MTIF2: variants seen among roughly 807,000 people sequenced by gnomAD.
MTIF2 encodes mitochondrial translational initiation factor 2.
A neutral mutation model predicts 83.5 loss-of-function variants in MTIF2; 71 were observed. That is an observed-to-expected ratio of 0.85 (90% CI 0.70 to 1.04). The LOEUF (loss-of-function observed/expected upper bound fraction) is 1.04, where lower values mean the gene tolerates loss of function less well. Among genes scored for constraint, MTIF2 ranks in the 50% least tolerant of loss-of-function variants. The probability of loss-of-function intolerance (pLI) is 0.00; values close to 1 mark genes in which losing one functional copy is unlikely to be tolerated. For missense variants in MTIF2, 957 were observed against 846.5 expected, an observed-to-expected ratio of 1.13 and a Z score of -1.62; for synonymous variants, 319 against 287.1, an observed-to-expected ratio of 1.11 and a Z score of -1.12.
At chr2:55,264,990 C>T (rs1255643922) in intron 3 of MTIF2, among the ~76,000 whole-genome samples, 1 of 152,086 alleles carries the variant, frequency 6.6e-6, no homozygotes, top group African/African-American at 2.4e-5. Context: ...TGCCTGTAAT[C>T]CCAGCACTTT....
chr2:55,256,580 C>T (rs1301095405), intron 5 of MTIF2, among the ~76,000 whole-genome samples: 2 of 151,476 alleles, frequency 1.3e-5, no homozygotes, highest in African/African-American at 4.8e-5. Flanking sequence ...GTGGCGGCAC[C>T]TGTAGTCCCA....
At chr2:55,244,284 G>T in intron 10 of MTIF2, 51 bp from the exon 11 acceptor site, 1 of 1,307,538 alleles carries the variant, frequency 7.6e-7, no homozygotes, top group South Asian at 1.3e-5. Flanking sequence ...ACTTTAAGTA[G>T]AGCAAAGATA....
In MTIF2 at chr2:55,252,455, CATT is replaced by C. The variant is rs1423338804; in HGVS notation, c.841+19_841+21del. ...GAACTTTGACTTTATGTAGTAGATC[CATT>C]AAGTCAGCCACACAGTACCCTGTGC... On this transcript the variant is annotated intron_variant, in intron 8 of 15. Transcript: ENST00000263629. 7 of 1,605,040 alleles carry C rather than the reference CATT, an allele frequency of 4.4e-6. No homozygotes were observed. The highest frequency in any genetic ancestry group is 1.7e-5 in the Admixed American group (1 of 58,956).
chr2:55,247,202 A>C (rs1011004800), intron 9 of MTIF2, among the ~76,000 whole-genome samples: 1 of 152,202 alleles, frequency 6.6e-6, no homozygotes, highest in Non-Finnish European at 1.5e-5. Flanking sequence ...CTGATAGGCA[A>C]GGTATTTTTC....
chr2:55,240,948 C>G (rs1448870330), intron 13 of MTIF2, among the ~76,000 whole-genome samples: 1 of 151,978 alleles, frequency 6.6e-6, no homozygotes, highest in Non-Finnish European at 1.5e-5. Flanking sequence ...AAAATAGTGA[C>G]TTAAAGGGGT....
chr2:55,248,386 G>A (rs1676853561), intron 9 of MTIF2, among the ~76,000 whole-genome samples: 1 of 152,110 alleles, frequency 6.6e-6, no homozygotes, highest in South Asian at 2.1e-4. Flanking sequence ...TAAAGATGAA[G>A]TGAGATTTAA....
intron 9 of MTIF2, among the ~76,000 whole-genome samples, chr2:55,246,888 A>G (rs1676739221): frequency 6.6e-6 from 1 of 152,102 alleles, no homozygotes; most frequent in Non-Finnish European, 1.5e-5. Flanking sequence ...ACGAGATTTC[A>G]CATCTATTAT....
At chr2:55,261,859 A>G (rs866044874) in intron 5 of MTIF2, among the ~76,000 whole-genome samples, 6 of 148,230 alleles carry the variant, frequency 4.0e-5, no homozygotes, top group Non-Finnish European at 7.4e-5. Context: ...GATTGTTTTG[A>G]GTCTAGGAGG....
At position 55,247,615 on chromosome 2, in the gene MTIF2, CTAAA is replaced by C. The variant is rs1357970354; in HGVS notation, c.982-1158_982-1155del. On this transcript the variant is annotated intron_variant, in intron 9 of 15. Transcript: ENST00000263629. ...AAACAAAACAAAACAAAAAAATTGA[CTAAA>C]TACTTTGCTTACCCACCCACTTATT... Among the ~76,000 whole-genome samples, 4 of 152,116 alleles carry C rather than the reference CTAAA, an allele frequency of 2.6e-5. No individual in the cohort carries two copies. The East Asian group carries it at 7.7e-4, about 29-fold the overall frequency.
chr2:55,258,058 C>G (rs1677679527), intron 5 of MTIF2, among the ~76,000 whole-genome samples: 1 of 152,212 alleles, frequency 6.6e-6, no homozygotes, highest in Non-Finnish European at 1.5e-5. Context: ...TCTGAAAGTG[C>G]TGGGATTACA....
In MTIF2 at chr2:55,260,359, C is replaced by T. The variant is rs536352604; in HGVS notation, c.331+1957G>A. Reference sequence around the variant, plus strand: ...ATGTTGCAGCAAGCCGAGATAGTGCCATTGCACTCTAGCCTGGTTAACAAG... The same window carrying T: ...ATGTTGCAGCAAGCCGAGATAGTGCTATTGCACTCTAGCCTGGTTAACAAG... On this transcript the variant is annotated intron_variant, in intron 5 of 15. Coordinates refer to ENST00000263629, the MANE Select transcript of MTIF2 (RefSeq NM_002453.3). 2.0e-5 allele frequency among the ~76,000 whole-genome samples: 3 copies of T among 148,400 alleles called. No individual in the cohort carries two copies. The South Asian group carries it at 6.4e-4, about 31-fold the overall frequency.
In MTIF2 at chr2:55,254,686, G is replaced by T; in HGVS notation, c.471C>A (p.Asp157Glu). ...MKLKWSKLKQDKVRKNKDAVR... is the reference protein window; with the variant it reads ...MKLKWSKLKQEKVRKNKDAVR... The stretch of plus-strand genomic sequence containing the variant: ...CAGCATCTTTATTTTTTCTGACTTT[G>T]TCCTGTTTTAATTTACTCCACTTTA... Residue 157 changes from aspartate to glutamate, a missense_variant, in exon 6 of 16, where the codon GAC (aspartate) becomes GAA (glutamate). By Grantham distance (45) the Asp-to-Glu change is conservative. Transcript: ENST00000263629. The T allele has an allele frequency of 6.2e-7, 1 of 1,604,366 alleles. No homozygotes were observed. The highest frequency in any genetic ancestry group is 8.5e-7 in the Non-Finnish European group (1 of 1,176,138).
chr2:55,254,110 T>G lies in MTIF2; in HGVS notation c.595A>C (p.Lys199Gln). ...GCTGCCACTTGAGTTTTTCGAAATTTGTCAAGTAATGTCGTTTTCCCGTGA... is the reference window on the plus strand; with the variant it reads ...GCTGCCACTTGAGTTTTTCGAAATTGGTCAAGTAATGTCGTTTTCCCGTGA... ...VDHGKTTLLD[K>Q]FRKTQVAAVE... Residue 199 changes from lysine (K) to glutamine (Q), a missense_variant, in exon 7 of 16, where the codon AAA (lysine) becomes CAA (glutamine). This residue lies in a region of MTIF2 where 733 missense variants were observed against 648.7 expected (regional missense o/e 1.13). Coordinates refer to ENST00000263629, the MANE Select transcript of MTIF2 (RefSeq NM_002453.3). The G allele has an allele frequency of 1.9e-6, 3 of 1,614,182 alleles. No homozygotes were observed. The highest frequency in any genetic ancestry group is 2.5e-6 in the Non-Finnish European group (3 of 1,180,012).
At chr2:55,244,951 G>A (rs575313221) in intron 10 of MTIF2, among the ~76,000 whole-genome samples, 1 of 152,230 alleles carries the variant, frequency 6.6e-6, no homozygotes, top group East Asian at 1.9e-4. Flanking sequence ...GGAGGCTGAG[G>A]CAGGAGAATC....
chr2:55,268,115 C>T (rs6545483), intron 2 of MTIF2, among the ~76,000 whole-genome samples: 29,535 of 151,630 alleles, frequency 0.19, 4,165 homozygotes, highest in African/African-American at 0.38. Context: ...TAGCCGGGTA[C>T]GGTGGCGGGC....
At chr2:55,262,994 C>G (rs7594081) in intron 4 of MTIF2, among the ~76,000 whole-genome samples, 6 of 152,040 alleles carry the variant, frequency 3.9e-5, no homozygotes, top group Non-Finnish European at 7.4e-5. Context: ...CCCAAAGAGC[C>G]GTGATTACAG....
At chr2:55,245,554 A>G (rs1676635571) in intron 10 of MTIF2, among the ~76,000 whole-genome samples, 1 of 152,140 alleles carries the variant, frequency 6.6e-6, no homozygotes. Context: ...AAGGAAAAGC[A>G]GAAAACAGAA....
At chr2:55,256,352 T>C (rs915932674) in intron 5 of MTIF2, among the ~76,000 whole-genome samples, 15 of 151,808 alleles carry the variant, frequency 9.9e-5, no homozygotes, top group Admixed American at 8.6e-4. Context: ...AATACATGTA[T>C]CCGCAATTCA....
At chr2:55,264,686 C>G (rs1343026606) in intron 3 of MTIF2, among the ~76,000 whole-genome samples, 1 of 152,160 alleles carries the variant, frequency 6.6e-6, no homozygotes, top group Non-Finnish European at 1.5e-5. Flanking sequence ...ACTCTTAACA[C>G]TTTTCCATCT....
Sources: allele counts gnomAD v4.1 joint callset (sites outside exome capture counted in the v4.1 genomes callset), GRCh38; gene constraint gnomAD v4.1.1; regional missense constraint gnomAD v4.1.1; transcripts MANE v1.5; gene names NCBI Gene and HGNC (gene_info 2026-07-23, HGNC 2026-07-21).